The following ADAMTS19 variants were observed in gnomAD, a reference collection of about 807,000 sequenced individuals.
ADAMTS19 encodes the protein ADAM metallopeptidase with thrombospondin type 1 motif 19.
ADAMTS19 carries 93 observed loss-of-function variants against 153.3 expected under a neutral mutation model. The observed-to-expected ratio is 0.61, with a 90% CI of 0.51 to 0.72. The LOEUF (loss-of-function observed/expected upper bound fraction) is 0.72, where lower values mean the gene tolerates loss of function less well. Ranked by LOEUF, ADAMTS19 falls within the 30% of genes least tolerant of loss-of-function variation. The probability of loss-of-function intolerance (pLI) is 0.00; values close to 1 mark genes in which losing one functional copy is unlikely to be tolerated. For missense variants in ADAMTS19, 1,482 were observed against 1,552.1 expected, an observed-to-expected ratio of 0.95 and a Z score of 0.76; for synonymous variants, 600 against 556.6, an observed-to-expected ratio of 1.08 and a Z score of -1.10.
At position 129,701,376 on chromosome 5, in the gene ADAMTS19, C is replaced by CTTTACT. The variant is rs766477409; in HGVS notation, c.2955-9_2955-4dup. ...TTTAACTTGTTTCCAGTGACTCTTG[C>CTTTACT]TTTACTTTCAGGTGGATGATGACAG... On this transcript the variant is annotated splice_polypyrimidine_tract_variant and intron_variant, in intron 19 of 22. Transcript: ENST00000274487. 2 of 1,613,926 alleles carry CTTTACT rather than the reference C, an allele frequency of 1.2e-6. No homozygotes were observed. Among genetic ancestry groups the CTTTACT allele is most frequent in the Non-Finnish European group, 1.7e-6 (2 of 1,179,966 alleles).
At chr5:129,557,515 G>C (rs938239045) in intron 7 of ADAMTS19, among the ~76,000 whole-genome samples, 2 of 152,036 alleles carry the variant, frequency 1.3e-5, no homozygotes, top group Non-Finnish European at 2.9e-5. Context: ...CAGGATGATC[G>C]CTTGAACCCA....
intron 7 of ADAMTS19, among the ~76,000 whole-genome samples, chr5:129,581,362 C>A (rs188573924): frequency 4.9e-4 from 75 of 151,860 alleles, no homozygotes; most frequent in African/African-American, 1.7e-3. Flanking sequence ...TTATCTATTT[C>A]TTCTAGATTT....
intron 21 of ADAMTS19, among the ~76,000 whole-genome samples, chr5:129,720,148 GTATATA>G (rs35948614): frequency 9.7e-4 from 139 of 143,178 alleles, no homozygotes; most frequent in African/African-American, 3.4e-3. Context: ...ATGTGTGTAT[GTATATA>G]TATATATATA....
At chr5:129,570,381 T>C (rs1442167491) in intron 7 of ADAMTS19, among the ~76,000 whole-genome samples, 2 of 151,830 alleles carry the variant, frequency 1.3e-5, no homozygotes, top group Non-Finnish European at 2.9e-5. Context: ...CAAAATAAAA[T>C]AGATAATCTG....
At chr5:129,604,781 T>C (rs1750814373) in intron 8 of ADAMTS19, among the ~76,000 whole-genome samples, 1 of 152,192 alleles carries the variant, frequency 6.6e-6, no homozygotes, top group Admixed American at 6.5e-5. Context: ...AGGTAAATTC[T>C]TATAAAAACA....
intron 8 of ADAMTS19, among the ~76,000 whole-genome samples, chr5:129,611,761 C>T (rs913531073): frequency 5.3e-5 from 8 of 151,680 alleles, no homozygotes; most frequent in South Asian, 2.1e-4. Flanking sequence ...AGATACTCCT[C>T]GAGAAGAACA....
chr5:129,572,377 TA>T (rs1753941096), intron 7 of ADAMTS19, among the ~76,000 whole-genome samples: 2 of 151,904 alleles, frequency 1.3e-5, no homozygotes, highest in Non-Finnish European at 2.9e-5. Flanking sequence ...ATCCTAAAGG[TA>T]AATATGCACT....
intron 16 of ADAMTS19, among the ~76,000 whole-genome samples, chr5:129,675,109 C>A (rs1024254245): frequency 3.3e-5 from 5 of 152,062 alleles, no homozygotes; most frequent in African/African-American, 1.2e-4. Context: ...GATGGTATAT[C>A]CAGTGAATTG....
intron 6 of ADAMTS19, among the ~76,000 whole-genome samples, chr5:129,542,914 C>A (rs891625212): frequency 1.3e-5 from 2 of 151,966 alleles, no homozygotes; most frequent in African/African-American, 4.8e-5. Flanking sequence ...ATGGAAGCAA[C>A]CTGATAGGAT....
intron 7 of ADAMTS19, among the ~76,000 whole-genome samples, chr5:129,569,002 A>T (rs1392957680): frequency 6.6e-6 from 1 of 152,130 alleles, no homozygotes; most frequent in African/African-American, 2.4e-5. Context: ...AATAGTTTGA[A>T]CACGCCAAAT....
chr5:129,492,836 T>G (rs1163313582), intron 2 of ADAMTS19, among the ~76,000 whole-genome samples: 3 of 152,156 alleles, frequency 2.0e-5, no homozygotes, highest in African/African-American at 4.8e-5. Flanking sequence ...ATATAATGTG[T>G]TTTTCCCGAA....
At chr5:129,539,452 C>G (rs1226691725) in intron 6 of ADAMTS19, among the ~76,000 whole-genome samples, 2 of 151,978 alleles carry the variant, frequency 1.3e-5, no homozygotes, top group Non-Finnish European at 2.9e-5. Context: ...CTATATGGCA[C>G]TTTTATTTTG....
intron 6 of ADAMTS19, among the ~76,000 whole-genome samples, chr5:129,530,784 G>A (rs549542986): frequency 1.1e-4 from 16 of 149,820 alleles, no homozygotes; most frequent in East Asian, 3.9e-4. Flanking sequence ...ATCCAATATC[G>A]TACTGAAGAT....
In ADAMTS19 at chr5:129,736,997, G is replaced by A. The variant is rs957616674; in HGVS notation, c.3491-70G>A. On this transcript the variant is annotated intron_variant, in intron 22 of 22. Coordinates refer to ENST00000274487, the MANE Select transcript of ADAMTS19 (RefSeq NM_133638.6). The stretch of plus-strand genomic sequence containing the variant: ...TGTACAAAATCCGCCCCACTTAAAC[G>A]CTTGAAGTTGGTTTTTACTGACATA... 5.0e-5 allele frequency: 69 copies of A among 1,381,434 alleles called. No homozygotes were observed. The South Asian group carries it at 9.6e-4, about 19-fold the overall frequency. The allele number at this position is 1,381,434 out of a possible 1,614,324, so 85.6% of individuals were successfully genotyped here.
At chr5:129,607,740 C>A (rs958859784) in intron 8 of ADAMTS19, among the ~76,000 whole-genome samples, 1 of 151,830 alleles carries the variant, frequency 6.6e-6, no homozygotes, top group African/African-American at 2.4e-5. Context: ...TAGGCCTGTC[C>A]AACTATTTCA....
chr5:129,532,351 A>G (rs1214339524), intron 6 of ADAMTS19, among the ~76,000 whole-genome samples: 1 of 152,218 alleles, frequency 6.6e-6, no homozygotes, highest in African/African-American at 2.4e-5. Context: ...TGAATCTCCA[A>G]TAAGCATATA....
intron 16 of ADAMTS19, among the ~76,000 whole-genome samples, chr5:129,676,345 T>C (rs1754551680): frequency 6.6e-6 from 1 of 152,208 alleles, no homozygotes; most frequent in Non-Finnish European, 1.5e-5. Context: ...AAGTAACCTT[T>C]GTTCTAGGAT....
Position 129,622,299 on chromosome 5 carries a change from A to G in ADAMTS19, c.1721A>G (p.Gln574Arg). The G allele has an allele frequency of 6.2e-7, 1 of 1,614,088 alleles. No homozygotes were observed. Among genetic ancestry groups the G allele is most frequent in the Non-Finnish European group, 8.5e-7 (1 of 1,179,996 alleles). ...GGGATGACATACACTGCTGATGAAC[A>G]ATGCCAGATCCTTTTTGGGCCATTG... ...LPGMTYTADE[Q>R]CQILFGPLAS... is the part of the protein sequence containing the mutation. The change falls in exon 10 of 23, where the codon CAA (glutamine) becomes CGA (arginine). Residue 574 changes from glutamine to arginine, a missense_variant. By Grantham distance (43) the Gln-to-Arg change is conservative. This residue lies in a region of ADAMTS19 where 866 missense variants were observed against 827.7 expected (regional missense o/e 1.05). Transcript: ENST00000274487.
In ADAMTS19 at chr5:129,702,939, A is replaced by AT. The variant is rs1256800089; in HGVS notation, c.3160-1300_3160-1299insT. 7.7e-4 allele frequency among the ~76,000 whole-genome samples: 11 copies of AT among 14,214 alleles called. No individual in the cohort carries two copies. In the South Asian group the frequency reaches 0.012, roughly 16 times the overall value. The allele number at this position is 14,214 out of a possible 152,430, so 9.3% of individuals were successfully genotyped here. A position where few individuals can be genotyped will look rare whatever the true frequency, so the allele number is the denominator to read the frequency against. ...CATAGTTTGACTTGCCAAAAAAAAA[A>AT]AAATATATATATATATATATATATA... On this transcript the variant is annotated intron_variant, in intron 20 of 22. Transcript: ENST00000274487.
Sources: allele counts gnomAD v4.1 joint callset (sites outside exome capture counted in the v4.1 genomes callset), GRCh38; gene constraint gnomAD v4.1.1; regional missense constraint gnomAD v4.1.1; transcripts MANE v1.5; gene names NCBI Gene and HGNC (gene_info 2026-07-23, HGNC 2026-07-21).